Variants in TLN2 observed in about 807,000 individuals in gnomAD.
TLN2 encodes talin-2.
Under a neutral mutation model 294.7 loss-of-function variants are expected in TLN2, and 118 were observed. The ratio of observed to expected loss-of-function variants is 0.40; its 90% confidence interval spans 0.34 to 0.47. The LOEUF is 0.47. Ranked by LOEUF, TLN2 falls within the 20% of genes least tolerant of loss-of-function variation. TLN2 has a pLI of 0.84. For synonymous variants in TLN2, 1,431 were observed against 1,304.5 expected (o/e 1.10, Z -2.09); for missense variants, 3,083 against 3,282.2 (o/e 0.94, Z 1.48).
chr15:62,567,149 A>G (rs747205795), intron 1 of TLN2, among the ~76,000 whole-genome samples: 2 of 152,242 alleles, frequency 1.3e-5, no homozygotes, highest in Non-Finnish European at 2.9e-5. Flanking sequence ...CTGGCTAAGT[A>G]GTATCCACTC....
In TLN2 at chr15:62,422,192, CTGGG is replaced by C. The variant is rs1444231128; in HGVS notation, c.-238+31508_-238+31511del. ...GGAGAATCAGCCATTGCACTCCAGCCTGGGCAACAAGAGCAAAACTCTGTCTCAA... is the reference window on the plus strand; with the variant it reads ...GGAGAATCAGCCATTGCACTCCAGCCCAACAAGAGCAAAACTCTGTCTCAA... On this transcript the variant is annotated intron_variant, in intron 1 of 58. Transcript: ENST00000636159. Among the ~76,000 whole-genome samples the C allele has an allele frequency of 9.1e-5, 11 of 121,262 alleles. No individual in the cohort carries two copies. The Admixed American group carries it at 1.2e-3, about 13-fold the overall frequency. 79.6% of individuals were successfully genotyped at this position (121,262 alleles called of 152,430 possible).
rs564142843 is a variant in TLN2 at position 62,744,607 on chromosome 15, C to T, written c.4026-3744C>T. Reference sequence around the variant, plus strand: ...CGTCGCCCAGGCTGGAGTGCAGAGGCGCGATCTCGGCTCACTGCAGCCTCC... The same window carrying T: ...CGTCGCCCAGGCTGGAGTGCAGAGGTGCGATCTCGGCTCACTGCAGCCTCC... On this transcript the variant is annotated intron_variant, in intron 32 of 58. Coordinates refer to ENST00000636159, the MANE Select transcript of TLN2 (RefSeq NM_015059.3). Among the ~76,000 whole-genome samples the T allele has an allele frequency of 2.4e-3, 365 of 151,970 alleles. 4 individuals are homozygous for T. The highest frequency in any genetic ancestry group is 3.2e-3 in the Non-Finnish European group (219 of 67,940).
chr15:62,736,837 G>A lies in TLN2; in HGVS notation c.3359-41G>A, dbSNP rs370005995. 8.1e-6 allele frequency: 13 copies of A among 1,602,464 alleles called. No homozygotes were observed. The African/African-American group carries it at 1.7e-4, about 21-fold the overall frequency. On this transcript the variant is annotated intron_variant, in intron 28 of 58. Transcript: ENST00000636159. Reference sequence around the variant, plus strand: ...ATTCCTAAGTAAAATGTGCCATTTAGATGGAGTCTAATTGGAAATCTGATG... The same window carrying A: ...ATTCCTAAGTAAAATGTGCCATTTAAATGGAGTCTAATTGGAAATCTGATG...
intron 40 of TLN2, among the ~76,000 whole-genome samples, chr15:62,765,546 C>T (rs555997098): frequency 6.6e-6 from 1 of 152,098 alleles, no homozygotes; most frequent in Non-Finnish European, 1.5e-5. Context: ...TGCACTGATG[C>T]ATTAATCCTG....
chr15:62,434,709 T>C (rs2140295474), intron 1 of TLN2, among the ~76,000 whole-genome samples: 1 of 152,364 alleles, frequency 6.6e-6, no homozygotes. Flanking sequence ...GCCAGTCCGC[T>C]AGGTAAAAAT....
intron 51 of TLN2, among the ~76,000 whole-genome samples, chr15:62,807,577 G>T (rs2066378464): frequency 6.6e-6 from 1 of 152,206 alleles, no homozygotes; most frequent in South Asian, 2.1e-4. Context: ...CTGAACAGAA[G>T]AGAAACCATG....
At chr15:62,657,144 C>A (rs2053298146) in intron 8 of TLN2, among the ~76,000 whole-genome samples, 1 of 54,444 alleles carries the variant, frequency 1.8e-5, no homozygotes, top group African/African-American at 4.2e-5. Flanking sequence ...AAAGGAAAGG[C>A]TGAAAAGGTG....
At chr15:62,840,406 T>G in intron 58 of TLN2, 76 bp from the exon 59 acceptor site, 1 of 1,571,874 alleles carries the variant, frequency 6.4e-7, no homozygotes, top group South Asian at 1.2e-5. Context: ...GCCGTGGAGC[T>G]CACATGAGCA....
chr15:62,689,619 C>T (rs970738660), intron 12 of TLN2, among the ~76,000 whole-genome samples: 5 of 151,764 alleles, frequency 3.3e-5, no homozygotes, highest in East Asian at 1.9e-4. Context: ...TATTATTTCC[C>T]CTTCATTCAT....
chr15:62,541,679 C>G (rs945280017), intron 1 of TLN2, among the ~76,000 whole-genome samples: 1 of 152,028 alleles, frequency 6.6e-6, no homozygotes, highest in Non-Finnish European at 1.5e-5. Context: ...GACAATATCC[C>G]CCTTTATACA....
rs142533395 is a variant in TLN2 at position 62,744,378 on chromosome 15, A to G, written c.4025+3609A>G. The stretch of plus-strand genomic sequence containing the variant: ...AAACACCTTGCCATCCTAGAGAGCC[A>G]TAAAAGATTATTTTTGTTATTTTTA... On this transcript the variant is annotated intron_variant, in intron 32 of 58. Transcript: ENST00000636159. Among the ~76,000 whole-genome samples the G allele has an allele frequency of 2.7e-3, 404 of 150,452 alleles. 3 individuals are homozygous for G. The highest frequency in any genetic ancestry group is 9.7e-3 in the African/African-American group (395 of 40,920).
At chr15:62,489,336 C>A (rs1432710857) in intron 1 of TLN2, among the ~76,000 whole-genome samples, 1 of 152,182 alleles carries the variant, frequency 6.6e-6, no homozygotes, top group Non-Finnish European at 1.5e-5. Flanking sequence ...AACTCAGGTG[C>A]AACTTCTCAA....
chr15:62,533,411 C>A (rs1186597443), intron 1 of TLN2, among the ~76,000 whole-genome samples: 1 of 152,026 alleles, frequency 6.6e-6, no homozygotes, highest in African/African-American at 2.4e-5. Context: ...ATGGCTCCCC[C>A]ATCCCCTAAC....
At chr15:62,695,690 TC>T (rs946971965) in intron 14 of TLN2, among the ~76,000 whole-genome samples, 17 of 152,202 alleles carry the variant, frequency 1.1e-4, no homozygotes, top group African/African-American at 4.1e-4. Context: ...TTTCCATTTG[TC>T]CCCACTAGTA....
At chr15:62,473,321 G>T (rs1483060389) in intron 1 of TLN2, among the ~76,000 whole-genome samples, 1 of 151,606 alleles carries the variant, frequency 6.6e-6, no homozygotes, top group Non-Finnish European at 1.5e-5. Context: ...ATGCTTGGAG[G>T]TCCCTGTCAC....
intron 1 of TLN2, among the ~76,000 whole-genome samples, chr15:62,498,612 G>C (rs1015011290): frequency 6.6e-6 from 1 of 152,108 alleles, no homozygotes; most frequent in African/African-American, 2.4e-5. Context: ...CTAGAGAGCT[G>C]GGGTCACCGT....
Position 62,702,081 on chromosome 15 carries a change from C to G in TLN2, c.1786C>G (p.Leu596Val). The change falls in exon 18 of 59, where the codon CTA (leucine) becomes GTA (valine). Residue 596 changes from leucine (L) to valine (V), a missense_variant. Physicochemically the swap from Leu to Val is conservative, Grantham distance 32. Coordinates refer to ENST00000636159, the MANE Select transcript of TLN2 (RefSeq NM_015059.3). ...NLTEMSKGVKLLAALMDDEVG... is the reference protein window; with the variant it reads ...NLTEMSKGVKVLAALMDDEVG... ...GACGGAGATGTCCAAGGGTGTGAAGCTATTGGCCGCCCTCATGGATGATGA... is the reference window on the plus strand; with the variant it reads ...GACGGAGATGTCCAAGGGTGTGAAGGTATTGGCCGCCCTCATGGATGATGA... 1 of 1,614,220 alleles carries G rather than the reference C, an allele frequency of 6.2e-7. No individual in the cohort carries two copies.
chr15:62,800,404 G>A lies in TLN2; in HGVS notation c.6271G>A (p.Ala2091Thr). 1.2e-6 allele frequency: 2 copies of A among 1,614,130 alleles called. No individual in the cohort carries two copies. The highest frequency in any genetic ancestry group is 1.7e-6 in the Non-Finnish European group (2 of 1,180,024). The change falls in exon 49 of 59, where the codon GCC (alanine) becomes ACC (threonine). Residue 2091 changes from alanine to threonine, a missense_variant. Transcript: ENST00000636159. ...LINAIKDVAKALSDLISATKG... is the reference protein window; with the variant it reads ...LINAIKDVAKTLSDLISATKG... ...CAATGCCATCAAAGATGTGGCCAAG[G>A]CCCTTTCTGATCTCATCAGTGCTAC...
chr15:62,632,545 T>C (rs1290673820), intron 3 of TLN2, among the ~76,000 whole-genome samples: 1 of 152,214 alleles, frequency 6.6e-6, no homozygotes, highest in Non-Finnish European at 1.5e-5. Flanking sequence ...GCAGCTGATC[T>C]ACTACATGGC....
Sources: allele counts gnomAD v4.1 joint callset (sites outside exome capture counted in the v4.1 genomes callset), GRCh38; gene constraint gnomAD v4.1.1; transcripts MANE v1.5; gene names NCBI Gene and HGNC (gene_info 2026-07-23, HGNC 2026-07-21).